GRIP1: variants seen among roughly 807,000 people sequenced by gnomAD.
GRIP1 encodes glutamate receptor interacting protein 1, also known as glutamate receptor-interacting protein 1.
GRIP1 carries 45 observed loss-of-function variants against 129.9 expected under a neutral mutation model. That is an observed-to-expected ratio of 0.35 (90% CI 0.27 to 0.44). GRIP1 has a LOEUF of 0.44. Ranked by LOEUF, GRIP1 falls within the 20% of genes least tolerant of loss-of-function variation. The pLI, the probability that GRIP1 is intolerant of heterozygous loss-of-function variation, is 1.00. For synonymous variants in GRIP1, 530 were observed against 520.8 expected (o/e 1.02, Z -0.24); for missense variants, 1,196 against 1,396.8 (o/e 0.86, Z 2.29).
At chr12:67,051,503 G>A (rs1009099426) in intron 1 of GRIP1, among the ~76,000 whole-genome samples, 3 of 152,200 alleles carry the variant, frequency 2.0e-5, no homozygotes, top group African/African-American at 7.2e-5. Flanking sequence ...GTATCAAATG[G>A]AAGAAGCCAT....
At chr12:66,687,490 A>G (rs1421691090) in intron 1 of GRIP1, among the ~76,000 whole-genome samples, 1 of 152,100 alleles carries the variant, frequency 6.6e-6, no homozygotes, top group East Asian at 1.9e-4. Flanking sequence ...GTGACTGAGC[A>G]CACCCCCTAT....
intron 1 of GRIP1, among the ~76,000 whole-genome samples, chr12:66,949,604 G>C (rs2137483788): frequency 6.6e-6 from 1 of 152,092 alleles, no homozygotes. Context: ...AAACTGTCTT[G>C]ATGACAAATT....
intron 7 of GRIP1, among the ~76,000 whole-genome samples, chr12:66,473,525 T>C (rs67093681): frequency 0.26 from 40,306 of 152,146 alleles, 5,558 homozygotes; most frequent in Middle Eastern, 0.43. Flanking sequence ...GGGACAGTGC[T>C]TCCTGACTGG....
intron 1 of GRIP1, among the ~76,000 whole-genome samples, chr12:67,029,450 A>T (rs540013156): frequency 6.6e-6 from 1 of 152,140 alleles, no homozygotes; most frequent in South Asian, 2.1e-4. Flanking sequence ...ATGGTGGCGC[A>T]TGCCTGTAGT....
chr12:66,860,339 T>G (rs909606815), intron 1 of GRIP1, among the ~76,000 whole-genome samples: 12 of 152,100 alleles, frequency 7.9e-5, no homozygotes, highest in Non-Finnish European at 1.5e-4. Context: ...TTACAAAGAT[T>G]AAATATGAAC....
At chr12:66,807,618 G>C (rs1010008744), upstream of GRIP1, among the ~76,000 whole-genome samples, 1 of 152,014 alleles carries the variant, frequency 6.6e-6, no homozygotes, top group African/African-American at 2.4e-5. Flanking sequence ...AGCTTGCAGT[G>C]AGTAGAGACC....
intron 1 of GRIP1, among the ~76,000 whole-genome samples, chr12:66,908,954 C>T (rs1268140526): frequency 1.3e-5 from 2 of 152,182 alleles, no homozygotes; most frequent in Non-Finnish European, 2.9e-5. Context: ...ATCTATCCCT[C>T]AATGGAGGAG....
chr12:66,971,181 A>G (rs1304014815), intron 1 of GRIP1, among the ~76,000 whole-genome samples: 1 of 152,096 alleles, frequency 6.6e-6, no homozygotes, highest in East Asian at 1.9e-4. Context: ...GTAGGTAAGC[A>G]AATCTTAGCT....
intron 1 of GRIP1, among the ~76,000 whole-genome samples, chr12:66,757,805 A>G (rs74820139): frequency 0.052 from 7,962 of 152,196 alleles, 402 homozygotes; most frequent in East Asian, 0.2. Flanking sequence ...GGGTAAGACG[A>G]TATCTCACTG....
At chr12:66,533,768 A>G (rs1332742195) in intron 4 of GRIP1, among the ~76,000 whole-genome samples, 2 of 152,148 alleles carry the variant, frequency 1.3e-5, no homozygotes, top group South Asian at 4.1e-4. Context: ...TATATAGACC[A>G]ATCATTTTAT....
At position 66,436,709 on chromosome 12, in the gene GRIP1, G is replaced by A. The variant is rs570346585; in HGVS notation, c.1688-4081C>T. 5.9e-5 allele frequency among the ~76,000 whole-genome samples: 9 copies of A among 152,222 alleles called. No individual in the cohort carries two copies. The South Asian group carries it at 8.3e-4, about 14-fold the overall frequency. Reference sequence around the variant, plus strand: ...TAAAGAGACAGATTTGGGGCCAGGCGCAGTGGCTCACACCTGTAACCCTAG... The same window carrying A: ...TAAAGAGACAGATTTGGGGCCAGGCACAGTGGCTCACACCTGTAACCCTAG... On this transcript the variant is annotated intron_variant, in intron 13 of 24. Coordinates refer to ENST00000359742, the MANE Select transcript of GRIP1 (RefSeq NM_001366722.1).
intron 1 of GRIP1, among the ~76,000 whole-genome samples, chr12:67,004,274 C>T (rs2042595590): frequency 6.6e-6 from 1 of 152,116 alleles, no homozygotes; most frequent in African/African-American, 2.4e-5. Context: ...AAAGCACCAG[C>T]CGGTTACTCA....
chr12:67,011,814 C>A (rs551924362), intron 1 of GRIP1, among the ~76,000 whole-genome samples: 6 of 152,156 alleles, frequency 3.9e-5, no homozygotes, highest in African/African-American at 1.4e-4. Flanking sequence ...CAACATTTTT[C>A]TTTAAAGGGC....
At chr12:66,699,324 T>A (rs1344494897) in intron 1 of GRIP1, among the ~76,000 whole-genome samples, 1 of 152,210 alleles carries the variant, frequency 6.6e-6, no homozygotes, top group Non-Finnish European at 1.5e-5. Flanking sequence ...CAGAGAGTGA[T>A]ATGGCTTGGC....
chr12:66,910,536 C>T (rs2041011839), intron 1 of GRIP1, among the ~76,000 whole-genome samples: 1 of 151,856 alleles, frequency 6.6e-6, no homozygotes, highest in Admixed American at 6.6e-5. Flanking sequence ...AGTCATACAA[C>T]CTTTCCAGCT....
At chr12:66,787,604 T>A (rs1450717099) in intron 1 of GRIP1, among the ~76,000 whole-genome samples, 1 of 152,094 alleles carries the variant, frequency 6.6e-6, no homozygotes, top group African/African-American at 2.4e-5. Context: ...AGTGCCCTTA[T>A]AAAAGTGATC....
intron 1 of GRIP1, among the ~76,000 whole-genome samples, chr12:66,616,377 A>T (rs2065039425): frequency 6.6e-6 from 1 of 152,136 alleles, no homozygotes; most frequent in African/African-American, 2.4e-5. Context: ...TAGGCTGTTT[A>T]AAAAATGCTT....
At chr12:66,666,067 A>G (rs559554031) in intron 1 of GRIP1, among the ~76,000 whole-genome samples, 1 of 152,292 alleles carries the variant, frequency 6.6e-6, no homozygotes, top group East Asian at 1.9e-4. Flanking sequence ...ACAAACATAA[A>G]GCTAGTCAGG....
intron 1 of GRIP1, among the ~76,000 whole-genome samples, chr12:66,790,930 T>C (rs61926155): frequency 2.7e-3 from 406 of 152,158 alleles, no homozygotes; most frequent in Middle Eastern, 6.8e-3. Flanking sequence ...AAAGAGAGGC[T>C]GGAGGACTGG....
Sources: allele counts gnomAD v4.1 joint callset (sites outside exome capture counted in the v4.1 genomes callset), GRCh38; gene constraint gnomAD v4.1.1; transcripts MANE v1.5; gene names NCBI Gene and HGNC (gene_info 2026-07-23, HGNC 2026-07-21).